Variants in WDR25 observed in about 807,000 individuals in gnomAD.
The protein encoded by WDR25 is WD repeat-containing protein 25.
WDR25 carries 35 observed loss-of-function variants against 47.7 expected under a neutral mutation model. The ratio of observed to expected loss-of-function variants is 0.73; its 90% confidence interval spans 0.56 to 0.97. WDR25 has a LOEUF of 0.97. Ranked by LOEUF, WDR25 falls within the 50% of genes least tolerant of loss-of-function variation. The probability of loss-of-function intolerance (pLI) is 0.00; values close to 1 mark genes in which losing one functional copy is unlikely to be tolerated. For missense variants in WDR25, 634 were observed against 704.7 expected (o/e 0.90, Z 1.14); for synonymous variants, 248 against 278.9 (o/e 0.89, Z 1.10).
intron 2 of WDR25, among the ~76,000 whole-genome samples, chr14:100,420,195 C>T (rs1299187863): frequency 1.3e-5 from 2 of 152,272 alleles, no homozygotes; most frequent in Non-Finnish European, 2.9e-5. Flanking sequence ...CAGCCCCCAT[C>T]TGCACATGGG....
chr14:100,416,093 C>T (rs936660134), intron 2 of WDR25, among the ~76,000 whole-genome samples: 7 of 152,230 alleles, frequency 4.6e-5, no homozygotes, highest in Admixed American at 1.3e-4. Flanking sequence ...TCACAGAGCA[C>T]GTGTCATTCA....
At chr14:100,423,813 C>G (rs897720081) in intron 2 of WDR25, among the ~76,000 whole-genome samples, 1 of 152,188 alleles carries the variant, frequency 6.6e-6, no homozygotes, top group African/African-American at 2.4e-5. Context: ...TGTCTGTGCA[C>G]TGAGTCAGCC....
intron 2 of WDR25, among the ~76,000 whole-genome samples, chr14:100,398,298 G>A (rs922272255): frequency 2.0e-5 from 3 of 152,146 alleles, no homozygotes; most frequent in African/African-American, 4.8e-5. Flanking sequence ...CTGCTAACAC[G>A]CTGGAGTTTA....
At chr14:100,420,479 C>G (rs550265544) in intron 2 of WDR25, among the ~76,000 whole-genome samples, 1 of 152,180 alleles carries the variant, frequency 6.6e-6, no homozygotes, top group East Asian at 1.9e-4. Context: ...GCTTTTTATT[C>G]CAGCAGGTTT....
chr14:100,510,698 T>C (rs898140256), intron 4 of WDR25, among the ~76,000 whole-genome samples: 6 of 151,450 alleles, frequency 4.0e-5, no homozygotes, highest in Admixed American at 1.3e-4. Context: ...ATCGCGTCAT[T>C]GCACTCCAGC....
At chr14:100,413,205 G>A (rs942457825) in intron 2 of WDR25, among the ~76,000 whole-genome samples, 4 of 152,104 alleles carry the variant, frequency 2.6e-5, no homozygotes, top group Non-Finnish European at 5.9e-5. Context: ...AGCCCTGTAA[G>A]TACACTGTCA....
chr14:100,520,571 A>G (rs140017838), intron 4 of WDR25, among the ~76,000 whole-genome samples: 18 of 152,332 alleles, frequency 1.2e-4, no homozygotes, highest in African/African-American at 1.9e-4. Flanking sequence ...CCACCATCCT[A>G]TGTGATTGGC....
intron 2 of WDR25, among the ~76,000 whole-genome samples, chr14:100,462,680 A>C (rs893139611): frequency 6.6e-6 from 1 of 152,172 alleles, no homozygotes; most frequent in African/African-American, 2.4e-5. Flanking sequence ...ACAAGAATTC[A>C]AACATTCCAG....
rs569929830 is a variant in WDR25, at chr14:100,494,710, C to T, written c.1101+10586C>T. Among the ~76,000 whole-genome samples the T allele has an allele frequency of 3.3e-5, 5 of 152,334 alleles. No individual in the cohort carries two copies. In the South Asian group the frequency reaches 1.0e-3, roughly 32 times the overall value. ...ATGGGCTGGACCTGGGTGTTTTCTT[C>T]CTCCACATAGAAGGCTAGAGGGGAA... On this transcript the variant is annotated intron_variant, in intron 4 of 6. Transcript: ENST00000402312.
chr14:100,523,741 T>C lies in WDR25; in HGVS notation c.1102-2129T>C, dbSNP rs1403134613. 2.6e-5 allele frequency among the ~76,000 whole-genome samples: 4 copies of C among 152,098 alleles called. No individual in the cohort carries two copies. Among genetic ancestry groups the C allele is most frequent in the African/African-American group, 9.7e-5 (4 of 41,426 alleles). On this transcript the variant is annotated intron_variant, in intron 4 of 6. Transcript: ENST00000402312. The surrounding 1 kb of genome is among the most constrained non-coding windows in gnomAD (Gnocchi z 4.7). The stretch of plus-strand genomic sequence containing the variant: ...AGGGACATAACCCCTGCATGTGTCA[T>C]GATCGATCTTCTGCTTTCCCCAAGA...
intron 2 of WDR25, among the ~76,000 whole-genome samples, chr14:100,390,426 T>TGTGTGTGTGTGTGTGTGC (rs1413707045): frequency 2.0e-5 from 3 of 150,486 alleles, no homozygotes; most frequent in Non-Finnish European, 4.4e-5. Context: ...TGTGTGTGTG[T>TGTGTGTGTGTGTGTGTGC]GCATGCACAC....
chr14:100,504,216 C>T (rs1901037488), intron 4 of WDR25, among the ~76,000 whole-genome samples: 1 of 152,140 alleles, frequency 6.6e-6, no homozygotes, highest in Non-Finnish European at 1.5e-5. Flanking sequence ...GCAATAATTC[C>T]TTAATATCAT....
intron 2 of WDR25, among the ~76,000 whole-genome samples, chr14:100,420,229 C>T (rs1897987771): frequency 6.6e-6 from 1 of 152,272 alleles, no homozygotes; most frequent in African/African-American, 2.4e-5. Flanking sequence ...CAACCCCTTC[C>T]CCCACTTCCC....
At chr14:100,524,906 G>C (rs1311809624) in intron 4 of WDR25, among the ~76,000 whole-genome samples, 3 of 152,198 alleles carry the variant, frequency 2.0e-5, no homozygotes, top group African/African-American at 7.2e-5. Context: ...TTTTAAGGAG[G>C]ATGACAGAAA....
intron 2 of WDR25, 45 bp downstream of exon 2, chr14:100,381,791 T>C (rs1174548348): frequency 1.4e-6 from 2 of 1,463,634 alleles, no homozygotes; most frequent in Middle Eastern, 1.8e-4. Context: ...CTCTTAGGAA[T>C]ACACTGCTGG....
intron 4 of WDR25, among the ~76,000 whole-genome samples, chr14:100,518,526 G>C (rs1279846631): frequency 6.6e-6 from 1 of 151,966 alleles, no homozygotes; most frequent in Non-Finnish European, 1.5e-5. Flanking sequence ...CCAAATTTGG[G>C]AACAGTTTAC....
chr14:100,477,391 A>G (rs1900051573), intron 3 of WDR25, among the ~76,000 whole-genome samples: 1 of 152,260 alleles, frequency 6.6e-6, no homozygotes, highest in East Asian at 1.9e-4. Context: ...TTATAATGAG[A>G]TCAATAAAGT....
rs1292314610 is a variant in WDR25, at chr14:100,459,913, T to C, written c.823-8108T>C. On this transcript the variant is annotated intron_variant, in intron 2 of 6. Transcript: ENST00000402312. Reference sequence around the variant, plus strand: ...GTGTGTGTATATATATATATATATATATATATATATATATATATATATATA... The same window carrying C: ...GTGTGTGTATATATATATATATATACATATATATATATATATATATATATA... 9.9e-3 allele frequency among the ~76,000 whole-genome samples: 927 copies of C among 93,804 alleles called. 49 individuals carry two copies. Among genetic ancestry groups the C allele is most frequent in the African/African-American group, 0.044 (870 of 19,782 alleles). The allele number at this position is 93,804 out of a possible 152,430, so 61.5% of individuals were successfully genotyped here.
chr14:100,519,061 C>A (rs897463087), intron 4 of WDR25, among the ~76,000 whole-genome samples: 3 of 152,054 alleles, frequency 2.0e-5, no homozygotes, highest in African/African-American at 7.3e-5. Context: ...CTGCCTTAAT[C>A]CAGTCAGTCT....
Sources: allele counts gnomAD v4.1 joint callset (sites outside exome capture counted in the v4.1 genomes callset), GRCh38; gene constraint gnomAD v4.1.1; non-coding constraint Gnocchi (gnomAD v3.1); transcripts MANE v1.5; gene names NCBI Gene and HGNC (gene_info 2026-07-23, HGNC 2026-07-21).